Variants in ZNF410 observed in about 807,000 individuals in gnomAD.
ZNF410 encodes zinc finger protein 410, also known as another partner for ARF 1.
In ZNF410, 18 loss-of-function variants were observed where a neutral mutation model predicts 54.8. That is an observed-to-expected ratio of 0.33 (90% CI 0.23 to 0.49). ZNF410 has a LOEUF of 0.49. ZNF410 is among the 20% of genes least tolerant of loss of function. ZNF410 has a pLI of 0.99. For missense variants in ZNF410, 405 were observed against 569.6 expected (o/e 0.71, Z 2.94); for synonymous variants, 191 against 207.3 (o/e 0.92, Z 0.68).
At chr14:73,902,989 C>G (rs1200313662) in intron 5 of ZNF410, among the ~76,000 whole-genome samples, 1 of 152,100 alleles carries the variant, frequency 6.6e-6, no homozygotes, top group Non-Finnish European at 1.5e-5. Flanking sequence ...AAGGGTGGTA[C>G]AGGAAATTGG....
chr14:73,921,836 T>C (rs2055759166), intron 9 of ZNF410, among the ~76,000 whole-genome samples: 1 of 152,240 alleles, frequency 6.6e-6, no homozygotes, highest in Non-Finnish European at 1.5e-5. Context: ...CTGTTTCATA[T>C]GCTAATTCTT....
At chr14:73,892,350 G>T in intron 2 of ZNF410, 142 bp downstream of exon 2, 3 of 677,016 alleles carry the variant, frequency 4.4e-6, no homozygotes, top group South Asian at 2.6e-5. Context: ...GGTTTTGATT[G>T]TTACTATTTT....
chr14:73,920,803 G>A (rs2055744260), intron 8 of ZNF410, 177 bp from the exon 9 acceptor site: 5 of 692,628 alleles, frequency 7.2e-6, no homozygotes, highest in African/African-American at 1.8e-5. Flanking sequence ...CCCTCCTGGT[G>A]TACTCTTCCT....
chr14:73,891,869 T>C, intron 1 of ZNF410, 158 bp from the exon 2 acceptor site: 1 of 595,388 alleles, frequency 1.7e-6, no homozygotes, highest in Non-Finnish European at 2.9e-6. Flanking sequence ...TTTTGATGCC[T>C]GTTGAGCTTG....
intron 5 of ZNF410, among the ~76,000 whole-genome samples, chr14:73,899,180 A>G (rs962027346): frequency 6.6e-6 from 1 of 151,962 alleles, no homozygotes; most frequent in Admixed American, 6.6e-5. Context: ...TTTGATTACC[A>G]TTCAAATGAA....
Position 73,910,509 on chromosome 14 carries a change from C to T in ZNF410, c.1003+1079C>T, listed in dbSNP as rs749909751. Among the ~76,000 whole-genome samples the T allele has an allele frequency of 7.5e-4, 114 of 152,026 alleles. 2 individuals are homozygous for T. The highest frequency in any genetic ancestry group is 1.3e-3 in the Non-Finnish European group (91 of 67,986). On this transcript the variant is annotated intron_variant, in intron 8 of 11. Transcript: ENST00000555044. ...CTGTAATCCCAACACTTTGGGAGGC[C>T]GAGGCAGGTGGATCACTTGAGGTCA...
intron 10 of ZNF410, chr14:73,922,484 C>A: frequency 4.5e-6 from 1 of 220,118 alleles, no homozygotes; most frequent in Non-Finnish European, 8.9e-6. Context: ...TCTATCTTTC[C>A]TATTGCAGTT....
chr14:73,913,506 C>G (rs2055617669), intron 8 of ZNF410: 1 of 152,178 alleles, frequency 6.6e-6, no homozygotes, highest in African/African-American at 2.4e-5. Flanking sequence ...TCTTATTTTT[C>G]TTTCAATGCA....
At chr14:73,916,353 T>C (rs574716843) in intron 8 of ZNF410, 1 of 152,344 alleles carries the variant, frequency 6.6e-6, no homozygotes, top group East Asian at 1.9e-4. Context: ...TGTTAATGTT[T>C]GCATATTTTT....
Position 73,907,578 on chromosome 14 carries a change from G to A in ZNF410, c.914-1763G>A, listed in dbSNP as rs545100960. On this transcript the variant is annotated intron_variant, in intron 7 of 11. Transcript: ENST00000555044. ...CCACTACACTCCATCCTAGGAGACA[G>A]AGCGAGACTCCATCTCAAAAAAAAA... Among the ~76,000 whole-genome samples, 3 of 150,324 alleles carry A rather than the reference G, an allele frequency of 2.0e-5. No individual in the cohort carries two copies. The South Asian group carries it at 6.3e-4, about 32-fold the overall frequency.
intron 11 of ZNF410, among the ~76,000 whole-genome samples, chr14:73,925,934 T>C (rs1017133677): frequency 1.1e-4 from 17 of 152,098 alleles, no homozygotes; most frequent in Non-Finnish European, 7.4e-5. Context: ...CTCGGGAGGC[T>C]GAAGTAGGAG....
chr14:73,894,502 A>G (rs1595385993), intron 3 of ZNF410: 3 of 671,970 alleles, frequency 4.5e-6, no homozygotes, highest in Admixed American at 4.5e-5. Context: ...GCTCACTGCA[A>G]CCTCCGCCTC....
intron 4 of ZNF410, 86 bp from the exon 5 acceptor site, chr14:73,897,985 A>AAC: frequency 7.7e-7 from 1 of 1,292,370 alleles, no homozygotes; most frequent in Non-Finnish European, 1.0e-6. Flanking sequence ...AAAAAAAAAA[A>AAC]AAAAAGGGAC....
intron 10 of ZNF410, 88 bp from the exon 11 acceptor site, chr14:73,923,307 T>G: frequency 6.9e-7 from 1 of 1,440,136 alleles, no homozygotes; most frequent in Non-Finnish European, 9.3e-7. Context: ...GAATAGAGTT[T>G]TAGAGTTGTT....
chr14:73,902,285 G>T (rs1198600032), intron 5 of ZNF410: 7 of 151,882 alleles, frequency 4.6e-5, no homozygotes, highest in Non-Finnish European at 1.0e-4. Flanking sequence ...GTGTTAGCCG[G>T]GATGGTCTGG....
In ZNF410 at chr14:73,931,817, G is replaced by A; in HGVS notation, c.*276G>A. On this transcript the variant is annotated 3_prime_UTR_variant, in exon 12 of 12. Transcript: ENST00000555044. ...TGCAAATTTCTGGGATAGACCAAAA[G>A]TGAATTTGATTATGTGTTGGCTGAA... 2.1e-6 allele frequency: 1 copy of A among 466,654 alleles called. No homozygotes were observed. The highest frequency in any genetic ancestry group is 4.0e-6 in the Non-Finnish European group (1 of 248,180). The allele number at this position is 466,654 out of a possible 1,614,324, so 28.9% of individuals were successfully genotyped here.
chr14:73,912,169 CTTTTTTTTTTTT>C (rs34162465), intron 8 of ZNF410, among the ~76,000 whole-genome samples: 3 of 128,578 alleles, frequency 2.3e-5, no homozygotes, highest in Non-Finnish European at 4.9e-5. Flanking sequence ...CTTTCACTTT[CTTTTTTTTTTTT>C]TTTTTTTTGA....
At chr14:73,919,107 G>A (rs192479943) in intron 8 of ZNF410, among the ~76,000 whole-genome samples, 3 of 136,210 alleles carry the variant, frequency 2.2e-5, no homozygotes, top group African/African-American at 8.4e-5. Context: ...CTGGGTTCAA[G>A]CAATTCTCCT....
intron 5 of ZNF410, among the ~76,000 whole-genome samples, chr14:73,899,048 C>T (rs565113691): frequency 1.7e-4 from 26 of 152,112 alleles, no homozygotes; most frequent in Non-Finnish European, 3.5e-4. Context: ...TTCTCATTAA[C>T]ATGTGACACA....
Sources: gnomAD v4.1 joint callset for allele counts (sites outside exome capture counted in the v4.1 genomes callset) on GRCh38, gnomAD v4.1.1 for gene constraint, MANE v1.5 for transcripts, NCBI Gene and HGNC (gene_info 2026-07-23, HGNC 2026-07-21) for gene names.